Variants in ZNF484 observed in about 807,000 individuals in gnomAD.
ZNF484 encodes KRAB box containing C2H2 type zinc finger bA526D8.4.
Under a neutral mutation model 12.9 loss-of-function variants are expected in ZNF484, and 11 were observed. The ratio of observed to expected loss-of-function variants is 0.85; its 90% CI spans 0.54 to 1.41. The LOEUF (loss-of-function observed/expected upper bound fraction) is 1.41. Ranked by LOEUF, ZNF484 falls within the 40% of genes most tolerant of loss-of-function variation. The pLI is 0.00. For missense variants in ZNF484, 807 were observed against 1,007.7 expected (o/e 0.80, Z 2.70); for synonymous variants, 289 against 334.1 (o/e 0.86, Z 1.47).
chr9:92,848,958 A>T lies in ZNF484; in HGVS notation c.236-407T>A, dbSNP rs557346455. On this transcript the variant is annotated intron_variant, in intron 4 of 4. Coordinates refer to ENST00000375495, the MANE Select transcript of ZNF484 (RefSeq NM_031486.4). The surrounding 1 kb of genome is among the most constrained non-coding windows in gnomAD (Gnocchi z 4.1). The stretch of plus-strand genomic sequence containing the variant: ...ATAAATAAATAAATAAATAAATAAA[A>T]ATACAATAGACCTTTGATTCAGGCC... 2.1e-5 allele frequency among the ~76,000 whole-genome samples: 3 copies of T among 145,736 alleles called. No homozygotes were observed. The highest frequency in any genetic ancestry group is 7.7e-5 in the African/African-American group (3 of 38,760).
At chr9:92,866,443 A>G (rs1483677311) in intron 2 of ZNF484, among the ~76,000 whole-genome samples, 1 of 152,236 alleles carries the variant, frequency 6.6e-6, no homozygotes, top group Non-Finnish European at 1.5e-5. Flanking sequence ...ACAATGAGAT[A>G]CCATCTCATG....
chr9:92,860,937 T>C (rs1230876535), intron 2 of ZNF484, among the ~76,000 whole-genome samples: 1 of 152,172 alleles, frequency 6.6e-6, no homozygotes, highest in African/African-American at 2.4e-5. Context: ...AATACATGTA[T>C]GATGACCTGG....
chr9:92,854,421 G>A (rs1196484818), intron 4 of ZNF484, among the ~76,000 whole-genome samples: 1 of 152,070 alleles, frequency 6.6e-6, no homozygotes, highest in Admixed American at 6.6e-5. Context: ...TCTTCCTTAA[G>A]AAATTCTCAT....
chr9:92,845,386 AT>A lies in ZNF484; in HGVS notation c.*841del, dbSNP rs1254459706. The A allele has an allele frequency of 6.6e-6, 1 of 152,234 alleles. No individual in the cohort carries two copies. Among genetic ancestry groups the A allele is most frequent in the Non-Finnish European group, 1.5e-5 (1 of 68,034 alleles). The allele number at this position is 152,234 out of a possible 1,614,324, so 9.4% of individuals were successfully genotyped here. A position where few individuals can be genotyped will look rare whatever the true frequency, so the allele number is the denominator to read the frequency against. ...GGAGATAAAAGGAGAAGTCTTCCAA[AT>A]GTTCAACTACATTTTATCTTCTAAG... On this transcript the variant is annotated 3_prime_UTR_variant, in exon 5 of 5. Transcript: ENST00000375495. This position sits in a 1 kb window ranked among gnomAD's most constrained non-coding sequence, Gnocchi z 4.0.
intron 2 of ZNF484, among the ~76,000 whole-genome samples, chr9:92,863,131 C>G (rs10992499): frequency 6.6e-6 from 1 of 151,930 alleles, no homozygotes; most frequent in African/African-American, 2.4e-5. Context: ...ATGCAGGGAG[C>G]TGGAAGCCAT....
chr9:92,875,977 G>A (rs1399343873), intron 1 of ZNF484, among the ~76,000 whole-genome samples: 3 of 152,204 alleles, frequency 2.0e-5, no homozygotes, highest in Non-Finnish European at 4.4e-5. Context: ...CCACTTCTCT[G>A]TCAGGGCCAG....
intron 2 of ZNF484, among the ~76,000 whole-genome samples, chr9:92,863,793 T>G (rs1856913845): frequency 6.6e-6 from 1 of 152,204 alleles, no homozygotes; most frequent in Non-Finnish European, 1.5e-5. Flanking sequence ...GGCAGGCATA[T>G]TATAGGACGT....
chr9:92,875,705 A>T (rs765337993), intron 1 of ZNF484, among the ~76,000 whole-genome samples: 1 of 152,222 alleles, frequency 6.6e-6, no homozygotes, highest in Non-Finnish European at 1.5e-5. Context: ...CTGTTTCTGC[A>T]CTGGGGCCTT....
At chr9:92,864,236 A>G (rs1856938713) in intron 2 of ZNF484, among the ~76,000 whole-genome samples, 1 of 152,162 alleles carries the variant, frequency 6.6e-6, no homozygotes. Flanking sequence ...TGTAACCAGG[A>G]AACTATACTT....
rs147947442 is a variant in ZNF484, at chr9:92,844,407, G to A, written c.*1821C>T. On this transcript the variant is annotated 3_prime_UTR_variant, in exon 5 of 5. Coordinates refer to ENST00000375495, the MANE Select transcript of ZNF484 (RefSeq NM_031486.4). ...TCCCCAAATGCACATGTGCACACAC[G>A]TACACGCACACGTGCACACACACAC... is the stretch of plus-strand genomic sequence containing the variant. 6.6e-6 allele frequency among the ~76,000 whole-genome samples: 1 copy of A among 152,040 alleles called. No homozygotes were observed. Among genetic ancestry groups the A allele is most frequent in the Non-Finnish European group, 1.5e-5 (1 of 67,980 alleles).
Position 92,847,921 on chromosome 9 carries a change from G to A in ZNF484, c.866C>T (p.Thr289Ile), listed in dbSNP as rs368476025. 3.7e-6 allele frequency: 6 copies of A among 1,614,184 alleles called. No homozygotes were observed. The East Asian group carries it at 1.1e-4, about 30-fold the overall frequency. ...HECHECEAVF[T>I]QKSQLDGSQR... ...ACTGCCATCAAGCTGGGACTTCTGA[G>A]TGAAGACTGCCTCACATTCATGGCA... The change falls in exon 5 of 5, where the codon ACT becomes ATT. Residue 289 changes from threonine to isoleucine, a missense_variant. Transcript: ENST00000375495.
intron 2 of ZNF484, among the ~76,000 whole-genome samples, chr9:92,865,839 G>A (rs1162145632): frequency 2.0e-5 from 3 of 152,194 alleles, no homozygotes; most frequent in Non-Finnish European, 2.9e-5. Flanking sequence ...AGCCCTGAAA[G>A]TTGAGGCTGT....
rs1363345645 is a variant in ZNF484, at chr9:92,845,554, A to G, written c.*674T>C. Reference sequence around the variant, plus strand: ...TCTTAATTTGTCCTATTTTTCAAACAGGAGTTGGTAACAACAACATCAAAA... The same window carrying G: ...TCTTAATTTGTCCTATTTTTCAAACGGGAGTTGGTAACAACAACATCAAAA... On this transcript the variant is annotated 3_prime_UTR_variant, in exon 5 of 5. Coordinates refer to ENST00000375495, the MANE Select transcript of ZNF484 (RefSeq NM_031486.4). The surrounding 1 kb of genome is among the most constrained non-coding windows in gnomAD (Gnocchi z 4.0). 2 of 152,206 alleles carry G rather than the reference A, an allele frequency of 1.3e-5. No homozygotes were observed. Among genetic ancestry groups the G allele is most frequent in the African/African-American group, 4.8e-5 (2 of 41,448 alleles). 9.4% of individuals were successfully genotyped at this position (152,206 alleles called of 1,614,324 possible).
chr9:92,855,729 T>C (rs781412041), intron 4 of ZNF484, 82 bp downstream of exon 4: 211 of 1,291,112 alleles, frequency 1.6e-4, no homozygotes, highest in Non-Finnish European at 2.1e-4. Flanking sequence ...CACATCAAAG[T>C]TGGGCAAAGT....
rs1159496648 is a variant in ZNF484 at position 92,845,625 on chromosome 9, A to G, written c.*603T>C. On this transcript the variant is annotated 3_prime_UTR_variant, in exon 5 of 5. Transcript: ENST00000375495. The surrounding 1 kb of genome is among the most constrained non-coding windows in gnomAD (Gnocchi z 4.0). The stretch of plus-strand genomic sequence containing the variant: ...AAAGCTGAGGATCTAAAGTGCTGCT[A>G]TCTAGACCTGGGTCCCTGTATCTAA... 1 of 152,268 alleles carries G rather than the reference A, an allele frequency of 6.6e-6. No individual in the cohort carries two copies. The highest frequency in any genetic ancestry group is 1.5e-5 in the Non-Finnish European group (1 of 68,060). 9.4% of individuals were successfully genotyped at this position (152,268 alleles called of 1,614,324 possible).
intron 2 of ZNF484, among the ~76,000 whole-genome samples, chr9:92,861,963 G>A (rs567145243): frequency 6.6e-6 from 1 of 152,208 alleles, no homozygotes; most frequent in South Asian, 2.1e-4. Flanking sequence ...TTACATGTAG[G>A]GAAAGGGCAA....
At chr9:92,862,470 C>T (rs1259468152) in intron 2 of ZNF484, among the ~76,000 whole-genome samples, 7 of 151,902 alleles carry the variant, frequency 4.6e-5, no homozygotes. Flanking sequence ...TAAGCTTAGT[C>T]TTGGGAGATG....
intron 2 of ZNF484, among the ~76,000 whole-genome samples, chr9:92,858,901 G>A (rs562427370): frequency 9.9e-5 from 15 of 152,170 alleles, no homozygotes; most frequent in African/African-American, 2.6e-4. Context: ...TGAGGCAGGC[G>A]GATCATGAGG....
intron 1 of ZNF484, among the ~76,000 whole-genome samples, chr9:92,876,721 T>C (rs944176025): frequency 3.3e-5 from 5 of 152,226 alleles, no homozygotes; most frequent in South Asian, 2.1e-4. Flanking sequence ...TAAGTGTATG[T>C]ATGCCCATCC....
Sources: gnomAD v4.1 joint callset for allele counts (sites outside exome capture counted in the v4.1 genomes callset) on GRCh38, gnomAD v4.1.1 for gene constraint, Gnocchi (gnomAD v3.1) non-coding constraint, MANE v1.5 for transcripts, NCBI Gene and HGNC (gene_info 2026-07-23, HGNC 2026-07-21) for gene names.